Variants in PCDHGA1 observed in about 807,000 individuals in gnomAD.
The protein encoded by PCDHGA1 is protocadherin gamma subfamily A, 1, also known as protocadherin gamma-A1.
PCDHGA1 carries 32 observed loss-of-function variants against 58.0 expected under a neutral mutation model. The ratio of observed to expected loss-of-function variants is 0.55; its 90% CI spans 0.42 to 0.74. The LOEUF (loss-of-function observed/expected upper bound fraction) is 0.74, where lower values mean the gene tolerates loss of function less well. PCDHGA1 is among the 30% of genes least tolerant of loss of function. PCDHGA1 has a pLI of 0.00. For missense variants in PCDHGA1, 1,205 were observed against 1,182.3 expected (o/e 1.02, Z -0.28); for synonymous variants, 498 against 501.1 (o/e 0.99, Z 0.08).
chr5:141,456,427 T>A (rs1156577293), intron 1 of PCDHGA1, among the ~76,000 whole-genome samples: 1 of 152,166 alleles, frequency 6.6e-6, no homozygotes, highest in East Asian at 1.9e-4. Context: ...ATTCAAGTTA[T>A]AGTATTGAGT....
intron 1 of PCDHGA1, chr5:141,421,450 C>A (rs1193440607): frequency 2.5e-6 from 4 of 1,614,126 alleles, no homozygotes; most frequent in Non-Finnish European, 3.4e-6. Flanking sequence ...GAAGACACAG[C>A]TTTTCGCTGT....
intron 1 of PCDHGA1, chr5:141,419,502 T>C: frequency 6.2e-7 from 1 of 1,612,388 alleles, no homozygotes; most frequent in Admixed American, 1.7e-5. Context: ...AATGTGAGCC[T>C]GCGCGTGTTG....
In PCDHGA1 at chr5:141,476,686, C is replaced by T. The variant is rs138480390; in HGVS notation, c.2422-18121C>T. On this transcript the variant is annotated intron_variant, in intron 1 of 3. Coordinates refer to ENST00000517417, the MANE Select transcript of PCDHGA1 (RefSeq NM_018912.3). The surrounding 1 kb of genome is among the most constrained non-coding windows in gnomAD (Gnocchi z 7.6). ...TTCGCGTGCAGACGCGGGAGGACAGCACCAAGTACGCGGAGCTGGTGTTGG... is the reference window on the plus strand; with the variant it reads ...TTCGCGTGCAGACGCGGGAGGACAGTACCAAGTACGCGGAGCTGGTGTTGG... 6.2e-7 allele frequency: 1 copy of T among 1,614,126 alleles called. No homozygotes were observed. The highest frequency in any genetic ancestry group is 1.3e-5 in the African/African-American group (1 of 74,952).
Position 141,499,370 on chromosome 5 carries a change from A to T in PCDHGA1, c.2480+4505A>T, listed in dbSNP as rs546430948. ...CATTCAACAAACAAATAGCAACTTA[A>T]TTTTTTTCCACTTATAAAATAGTAC... On this transcript the variant is annotated intron_variant, in intron 2 of 3. Coordinates refer to ENST00000517417, the MANE Select transcript of PCDHGA1 (RefSeq NM_018912.3). 2.0e-3 allele frequency among the ~76,000 whole-genome samples: 300 copies of T among 152,286 alleles called. 1 individual carries two copies. The highest frequency in any genetic ancestry group is 2.7e-3 in the Non-Finnish European group (184 of 68,028).
chr5:141,417,760 C>A, intron 1 of PCDHGA1: 1 of 1,438,808 alleles, frequency 7.0e-7, no homozygotes, highest in South Asian at 1.5e-5. Context: ...GCTCCGAGAC[C>A]CGGGACTCCT....
intron 1 of PCDHGA1, chr5:141,416,916 T>A (rs751743318): frequency 5.5e-4 from 83 of 152,132 alleles, no homozygotes; most frequent in Non-Finnish European, 8.5e-4. Flanking sequence ...CTCTTTAGGG[T>A]CATAGTTATT....
intron 1 of PCDHGA1, among the ~76,000 whole-genome samples, chr5:141,363,429 T>A (rs1762921344): frequency 6.6e-6 from 1 of 152,366 alleles, no homozygotes; most frequent in Admixed American, 6.5e-5. Context: ...TGTCTCAACA[T>A]AGAAAGGTCA....
intron 1 of PCDHGA1, chr5:141,340,453 C>T: frequency 6.2e-7 from 1 of 1,614,240 alleles, no homozygotes; most frequent in Non-Finnish European, 8.5e-7. Flanking sequence ...TCGCGGAGGA[C>T]ACTGTTCAGG....
intron 1 of PCDHGA1, among the ~76,000 whole-genome samples, chr5:141,450,467 T>G (rs997813636): frequency 1.3e-5 from 2 of 151,944 alleles, no homozygotes; most frequent in African/African-American, 2.4e-5. Flanking sequence ...ATTTTATATA[T>G]AGAGTTTGTT....
At chr5:141,400,203 G>C in intron 1 of PCDHGA1, 1 of 1,613,996 alleles carries the variant, frequency 6.2e-7, no homozygotes, top group Non-Finnish European at 8.5e-7. Flanking sequence ...TGGTGGCCTT[G>C]GCCTTGATCT....
intron 1 of PCDHGA1, among the ~76,000 whole-genome samples, chr5:141,439,024 T>C (rs1278127532): frequency 2.0e-5 from 3 of 151,510 alleles, no homozygotes; most frequent in African/African-American, 7.3e-5. Flanking sequence ...ATTTTGAAAA[T>C]AGATGCCTCA....
intron 2 of PCDHGA1, among the ~76,000 whole-genome samples, chr5:141,500,281 T>A (rs1254933339): frequency 2.0e-5 from 3 of 151,934 alleles, no homozygotes; most frequent in Non-Finnish European, 4.4e-5. Context: ...CAATCTCGGC[T>A]CACTGCAAGC....
rs574393099 is a variant in PCDHGA1 at position 141,372,200 on chromosome 5, C to T, written c.2421+39095C>T. On this transcript the variant is annotated intron_variant, in intron 1 of 3. Transcript: ENST00000517417. ...TGGACGCAGACTCGGGATACAACGC[C>T]TGGCTGTCCTACCACATTGTGCAGG... The T allele has an allele frequency of 2.0e-5, 32 of 1,613,598 alleles. No individual in the cohort carries two copies. The South Asian group carries it at 3.4e-4, about 17-fold the overall frequency.
In PCDHGA1 at chr5:141,486,070, T is replaced by G; in HGVS notation, c.2422-8737T>G. The G allele has an allele frequency of 6.2e-7, 1 of 1,614,158 alleles. No individual in the cohort carries two copies. Among genetic ancestry groups the G allele is most frequent in the Non-Finnish European group, 8.5e-7 (1 of 1,180,010 alleles). On this transcript the variant is annotated intron_variant, in intron 1 of 3. Coordinates refer to ENST00000517417, the MANE Select transcript of PCDHGA1 (RefSeq NM_018912.3). This position sits in a 1 kb window ranked among gnomAD's most constrained non-coding sequence, Gnocchi z 5.0. ...ACCTCTTTAGCCTGCACCCCACTAC[T>G]GGAAAGCTTACTCTTTTGGGGCCCC...
chr5:141,466,510 A>AT (rs1222513096), intron 1 of PCDHGA1, among the ~76,000 whole-genome samples: 1 of 151,938 alleles, frequency 6.6e-6, no homozygotes, highest in African/African-American at 2.4e-5. Context: ...AGACAAGATC[A>AT]TTTTTTTTCC....
chr5:141,358,179 G>A (rs1760841465), intron 1 of PCDHGA1, among the ~76,000 whole-genome samples: 1 of 152,186 alleles, frequency 6.6e-6, no homozygotes, highest in African/African-American at 2.4e-5. Context: ...AACAGAGCAA[G>A]CCTCTGTCTC....
chr5:141,393,879 G>A, intron 1 of PCDHGA1: 1 of 1,614,010 alleles, frequency 6.2e-7, no homozygotes, highest in Non-Finnish European at 8.5e-7. Context: ...GTTTAGCCCA[G>A]TGTTAGAAAA....
At chr5:141,421,794 G>A in intron 1 of PCDHGA1, 1 of 1,613,788 alleles carries the variant, frequency 6.2e-7, no homozygotes, top group Non-Finnish European at 8.5e-7. Flanking sequence ...GAACGGATGG[G>A]GCCAAGAATC....
chr5:141,415,078 G>T (rs780547982), intron 1 of PCDHGA1: 2 of 1,613,376 alleles, frequency 1.2e-6, no homozygotes, highest in Non-Finnish European at 8.5e-7. Context: ...CACGGCGCGA[G>T]CCCTGCTGGA....
Sources: gnomAD v4.1 joint callset for allele counts (sites outside exome capture counted in the v4.1 genomes callset) on GRCh38, gnomAD v4.1.1 for gene constraint, Gnocchi (gnomAD v3.1) non-coding constraint, MANE v1.5 for transcripts, NCBI Gene and HGNC (gene_info 2026-07-23, HGNC 2026-07-21) for gene names.